BABAM2: variants seen among roughly 807,000 people sequenced by gnomAD.
BABAM2 encodes BRISC and BRCA1 A complex member 2, also known as BRISC and BRCA1-A complex member 2.
Under a neutral mutation model 54.7 loss-of-function variants are expected in BABAM2, and 31 were observed. The ratio of observed to expected loss-of-function variants is 0.57; its 90% CI spans 0.43 to 0.77. The LOEUF (loss-of-function observed/expected upper bound fraction) is 0.77, where lower values mean the gene tolerates loss of function less well. Among genes scored for constraint, BABAM2 ranks in the 30% least tolerant of loss-of-function variants. The pLI is 0.00. For synonymous variants in BABAM2, 167 were observed against 162.9 expected, an observed-to-expected ratio of 1.03 and a Z score of -0.19; for missense variants, 364 against 455.8, an observed-to-expected ratio of 0.80 and a Z score of 1.83.
At chr2:28,093,425 C>T (rs1666331001) in intron 6 of BABAM2, among the ~76,000 whole-genome samples, 1 of 152,040 alleles carries the variant, frequency 6.6e-6, no homozygotes, top group South Asian at 2.1e-4. Flanking sequence ...CTTTACTGTA[C>T]CACACCAGTC....
chr2:27,908,005 C>T (rs1031672619), intron 2 of BABAM2, among the ~76,000 whole-genome samples: 1 of 152,002 alleles, frequency 6.6e-6, no homozygotes, highest in Non-Finnish European at 1.5e-5. Flanking sequence ...GTTTAAAGTC[C>T]CTGTTTTCAG....
intron 7 of BABAM2, among the ~76,000 whole-genome samples, chr2:28,141,453 C>T (rs1229894514): frequency 2.0e-5 from 3 of 152,074 alleles, no homozygotes; most frequent in African/African-American, 7.2e-5. Flanking sequence ...TTCTTGCTCT[C>T]GATAGCTAAC....
rs1006755776 is a variant in BABAM2, at chr2:28,250,144, C to T, written c.934+5282C>T. Among the ~76,000 whole-genome samples the T allele has an allele frequency of 2.0e-5, 3 of 151,892 alleles. No homozygotes were observed. The East Asian group carries it at 5.8e-4, about 29-fold the overall frequency. ...CCCTATGCTTCTATAGGGAAGACCT[C>T]CTATAGAGGGTGACATTTCCGCTGA... On this transcript the variant is annotated intron_variant, in intron 10 of 11. Transcript: ENST00000379624.
Position 28,090,098 on chromosome 2 carries a change from C to G in BABAM2, c.571-39173C>G, listed in dbSNP as rs1369414746. Among the ~76,000 whole-genome samples the G allele has an allele frequency of 2.6e-5, 4 of 151,974 alleles. No individual in the cohort carries two copies. In the South Asian group the frequency reaches 8.3e-4, roughly 32 times the overall value. ...AGATTAATCTTAGAATAATTTTTAC[C>G]TGTCTTTGTTAACAGGTATTATGCT... On this transcript the variant is annotated intron_variant, in intron 6 of 11. Coordinates refer to ENST00000379624, the MANE Select transcript of BABAM2 (RefSeq NM_199191.3).
chr2:28,303,027 C>G (rs1002706397), intron 11 of BABAM2, among the ~76,000 whole-genome samples: 4 of 151,650 alleles, frequency 2.6e-5, no homozygotes, highest in African/African-American at 9.7e-5. Context: ...TTTCTTTTTC[C>G]TTTTTTTAAT....
intron 6 of BABAM2, among the ~76,000 whole-genome samples, chr2:28,092,045 C>T (rs1369195537): frequency 6.6e-6 from 1 of 151,930 alleles, no homozygotes; most frequent in Non-Finnish European, 1.5e-5. Context: ...AATTACAAAC[C>T]ATTATACCTC....
chr2:28,279,087 C>G (rs112949994), intron 10 of BABAM2, among the ~76,000 whole-genome samples: 4 of 152,308 alleles, frequency 2.6e-5, no homozygotes, highest in African/African-American at 9.6e-5. Flanking sequence ...GATGAGAGAA[C>G]CTTCAGCATG....
Position 27,909,253 on chromosome 2 carries a change from C to G in BABAM2, c.128+14569C>G, listed in dbSNP as rs959415285. On this transcript the variant is annotated intron_variant, in intron 2 of 11. Coordinates refer to ENST00000379624, the MANE Select transcript of BABAM2 (RefSeq NM_199191.3). ...AGAGATAGGGTCTTGCTATGTCACC[C>G]AGATTGATCTCGAACTCCTGGGCTC... is the stretch of plus-strand genomic sequence containing the variant. 1.3e-5 allele frequency among the ~76,000 whole-genome samples: 2 copies of G among 152,088 alleles called. 1 individual carries two copies. Among genetic ancestry groups the G allele is most frequent in the Non-Finnish European group, 2.9e-5 (2 of 68,014 alleles).
Position 28,329,771 on chromosome 2 carries a change from C to T in BABAM2, c.1089-8679C>T, listed in dbSNP as rs1690790792. Among the ~76,000 whole-genome samples the T allele has an allele frequency of 6.6e-6, 1 of 152,130 alleles. No homozygotes were observed. The highest frequency in any genetic ancestry group is 2.1e-4 in the South Asian group (1 of 4,832). ...CAGAGGTACAAAGAGGATCTGGTAC[C>T]GTTTCTTCTGAAACTATTCCAAACA... On this transcript the variant is annotated intron_variant, in intron 11 of 11. Transcript: ENST00000379624. This position sits in a 1 kb window ranked among gnomAD's most constrained non-coding sequence, Gnocchi z 4.2.
intron 4 of BABAM2, among the ~76,000 whole-genome samples, chr2:28,006,533 G>A (rs878934116): frequency 5.9e-5 from 9 of 151,932 alleles, no homozygotes; most frequent in Admixed American, 2.6e-4. Flanking sequence ...AAAGCAACAA[G>A]GATTCTAAAG....
At chr2:27,981,753 T>C (rs1024830445) in intron 3 of BABAM2, among the ~76,000 whole-genome samples, 5 of 152,190 alleles carry the variant, frequency 3.3e-5, no homozygotes, top group African/African-American at 1.2e-4. Context: ...ATTTATTCAT[T>C]CATCAGTTGA....
At chr2:28,157,341 G>T (rs1672639164) in intron 7 of BABAM2, among the ~76,000 whole-genome samples, 1 of 152,180 alleles carries the variant, frequency 6.6e-6, no homozygotes, top group Non-Finnish European at 1.5e-5. Flanking sequence ...GAAGTCTGAA[G>T]AGCCAAACAC....
At chr2:28,331,370 A>C (rs1022721328) in intron 11 of BABAM2, among the ~76,000 whole-genome samples, 1 of 152,254 alleles carries the variant, frequency 6.6e-6, no homozygotes, top group African/African-American at 2.4e-5. Flanking sequence ...AACTGTCTTC[A>C]AAATGAACAG....
intron 5 of BABAM2, among the ~76,000 whole-genome samples, chr2:28,026,801 A>AAAAATATATAAATATATATTTATAT (rs1675717972): frequency 3.3e-5 from 2 of 60,236 alleles, no homozygotes; most frequent in Non-Finnish European, 7.3e-5. Context: ...ATATTTATAT[A>AAAAATATATAAATATATATTTATAT]AAAAATATAT....
chr2:28,111,171 T>C (rs1279210247), intron 6 of BABAM2, among the ~76,000 whole-genome samples: 2 of 149,160 alleles, frequency 1.3e-5, no homozygotes, highest in Non-Finnish European at 3.0e-5. Flanking sequence ...TTAGTAGAGA[T>C]GGGGTTTCAC....
chr2:28,058,736 C>T (rs1236325557), intron 6 of BABAM2, among the ~76,000 whole-genome samples: 1 of 151,998 alleles, frequency 6.6e-6, no homozygotes, highest in African/African-American at 2.4e-5. Flanking sequence ...GCATTGAGAG[C>T]GTTTAGAAAC....
Position 28,244,826 on chromosome 2 carries a change from C to A in BABAM2, c.898C>A (p.Leu300Met). 6.2e-7 allele frequency: 1 copy of A among 1,613,996 alleles called. No homozygotes were observed. Among genetic ancestry groups the A allele is most frequent in the Non-Finnish European group, 8.5e-7 (1 of 1,180,004 alleles). Residue 300 changes from leucine (L) to methionine (M), a missense_variant, in exon 10 of 12, where the codon CTG becomes ATG. Coordinates refer to ENST00000379624, the MANE Select transcript of BABAM2 (RefSeq NM_199191.3). ...DAEGFTKLTL[L>M]LMWKDFCFLV... Reference sequence around the variant, plus strand: ...AGAAGGCTTTACAAAACTCACTCTGCTGCTGATGTGGAAAGATTTTTGTTT... The same window carrying A: ...AGAAGGCTTTACAAAACTCACTCTGATGCTGATGTGGAAAGATTTTTGTTT...
intron 5 of BABAM2, among the ~76,000 whole-genome samples, chr2:28,044,748 A>G (rs1383836594): frequency 6.6e-6 from 1 of 152,238 alleles, no homozygotes; most frequent in Non-Finnish European, 1.5e-5. Flanking sequence ...TTACAATATT[A>G]AAAGGATAGA....
At chr2:28,107,655 G>A (rs1371666099) in intron 6 of BABAM2, among the ~76,000 whole-genome samples, 2 of 152,142 alleles carry the variant, frequency 1.3e-5, no homozygotes. Context: ...GCCCAGTCGT[G>A]CCCTCTCTTG....
Sources: gnomAD v4.1 joint callset for allele counts (sites outside exome capture counted in the v4.1 genomes callset) on GRCh38, gnomAD v4.1.1 for gene constraint, Gnocchi (gnomAD v3.1) non-coding constraint, MANE v1.5 for transcripts, NCBI Gene and HGNC (gene_info 2026-07-23, HGNC 2026-07-21) for gene names.